Variants in DAO observed in about 807,000 individuals in gnomAD.
DAO encodes D-amino-acid oxidase.
A neutral mutation model predicts 50.1 loss-of-function variants in DAO; 51 were observed. That is an observed-to-expected ratio of 1.02 (90% CI 0.81 to 1.29). The LOEUF is 1.29. Ranked by LOEUF, DAO falls within the 50% of genes most tolerant of loss-of-function variation. The pLI is 0.00. For missense variants in DAO, 436 were observed against 439.4 expected, an observed-to-expected ratio of 0.99 and a Z score of 0.07; for synonymous variants, 160 against 166.2, an observed-to-expected ratio of 0.96 and a Z score of 0.29.
chr12:108,888,202 G>A (rs1334486444), intron 3 of DAO, among the ~76,000 whole-genome samples: 3 of 152,238 alleles, frequency 2.0e-5, no homozygotes, highest in Non-Finnish European at 4.4e-5. Flanking sequence ...CCCTGGGACG[G>A]TTTGCTCAGG....
chr12:108,887,746 T>C (rs1281118405), intron 3 of DAO, among the ~76,000 whole-genome samples, 182 bp downstream of exon 3: 1 of 152,154 alleles, frequency 6.6e-6, no homozygotes, highest in East Asian at 1.9e-4. Flanking sequence ...TATTTTTGTT[T>C]TACATTTTGC....
At chr12:108,888,554 G>A (rs1417075095) in intron 3 of DAO, among the ~76,000 whole-genome samples, 3 of 152,134 alleles carry the variant, frequency 2.0e-5, no homozygotes, top group Admixed American at 6.5e-5. Flanking sequence ...GGCTGGTCTC[G>A]AACTCCTGAC....
chr12:108,900,259 C>T, intron 10 of DAO, 145 bp from the exon 11 acceptor site: 1 of 1,012,010 alleles, frequency 9.9e-7, no homozygotes, highest in African/African-American at 1.6e-5. Context: ...ACCATTCCAC[C>T]CCGGTGCCAA....
intron 8 of DAO, 187 bp from the exon 9 acceptor site, chr12:108,898,492 G>A (rs1207264641): frequency 3.0e-6 from 2 of 658,960 alleles, no homozygotes; most frequent in Non-Finnish European, 5.6e-6. Context: ...TGTTGTTGAT[G>A]GAGATGACAA....
chr12:108,896,614 T>C (rs1179714189), intron 7 of DAO, among the ~76,000 whole-genome samples: 1 of 151,980 alleles, frequency 6.6e-6, no homozygotes, highest in African/African-American at 2.4e-5. Flanking sequence ...ATGAGACGTG[T>C]CGGACCTCCC....
intron 7 of DAO, 113 bp downstream of exon 7, chr12:108,894,480 C>G: frequency 1.1e-6 from 1 of 890,942 alleles, no homozygotes; most frequent in Non-Finnish European, 1.8e-6. Flanking sequence ...AGGAACCCCC[C>G]GGACTGCAGG....
At chr12:108,889,016 G>C (rs2039461819) in intron 3 of DAO, among the ~76,000 whole-genome samples, 1 of 152,122 alleles carries the variant, frequency 6.6e-6, no homozygotes, top group South Asian at 2.1e-4. Context: ...CCACCCCAAT[G>C]GCTTCTTGTG....
rs1261171280 is a variant in DAO, at chr12:108,880,162, G to A, written c.-72G>A. On this transcript the variant is annotated 5_prime_UTR_variant, in exon 1 of 11. Coordinates refer to ENST00000228476, the MANE Select transcript of DAO (RefSeq NM_001917.5). ...TCCAGAATCAGGAGCTTCCCCTCAG[G>A]AAATAGCATCCTGTGTCCCCGCACT... 1.5e-5 allele frequency: 7 copies of A among 456,506 alleles called. No homozygotes were observed. Among genetic ancestry groups the A allele is most frequent in the Non-Finnish European group, 3.1e-5 (7 of 226,940 alleles). The allele number at this position is 456,506 out of a possible 1,614,324, so 28.3% of individuals were successfully genotyped here.
At position 108,894,299 on chromosome 12, in the gene DAO, A is replaced by G. The variant is rs1196057771; in HGVS notation, c.544A>G (p.Thr182Ala). The stretch of plus-strand genomic sequence containing the variant: ...AGGCGCAGACGTGATTGTCAACTGC[A>G]CTGGGGTATGGGCTGGGGCGCTACA... Reference protein sequence around the residue: ...REGADVIVNCTGVWAGALQRD... With the variant: ...REGADVIVNCAGVWAGALQRD... Residue 182 changes from threonine (T) to alanine (A), a missense_variant, in exon 7 of 11, where the codon ACT (threonine) becomes GCT (alanine). By Grantham distance (58) the Thr-to-Ala change is moderately conservative (BLOSUM62 0). Coordinates refer to ENST00000228476, the MANE Select transcript of DAO (RefSeq NM_001917.5). The G allele has an allele frequency of 1.9e-6, 3 of 1,613,888 alleles. No homozygotes were observed. The African/African-American group carries it at 4.0e-5, about 22-fold the overall frequency.
chr12:108,899,719 A>T lies in DAO; in HGVS notation c.912+244A>T, dbSNP rs543830436. 4 of 544,638 alleles carry T rather than the reference A, an allele frequency of 7.3e-6. No homozygotes were observed. The South Asian group carries it at 7.9e-5, about 11-fold the overall frequency. The allele number at this position is 544,638 out of a possible 1,614,324, so 33.7% of individuals were successfully genotyped here. A position where few individuals can be genotyped will look rare whatever the true frequency, so the allele number is the denominator to read the frequency against. ...AATGGAGGTGGTGCTGATGAGATCA[A>T]TGTTGATAATGGTGTGACTGGGAGT... On this transcript the variant is annotated intron_variant, in intron 10 of 10. Coordinates refer to ENST00000228476, the MANE Select transcript of DAO (RefSeq NM_001917.5).
chr12:108,889,421 T>C, intron 3 of DAO, 48 bp from the exon 4 acceptor site: 1 of 1,343,714 alleles, frequency 7.4e-7, no homozygotes, highest in Non-Finnish European at 1.1e-6. Flanking sequence ...ATTATCATTA[T>C]TATTGACTTC....
chr12:108,900,280 G>T (rs71454755), intron 10 of DAO, 124 bp from the exon 11 acceptor site: 2 of 1,244,974 alleles, frequency 1.6e-6, no homozygotes, highest in East Asian at 2.3e-5. Flanking sequence ...GAGAAGCTCA[G>T]GTGGCATCTG....
chr12:108,894,916 A>G (rs1476161575), intron 7 of DAO, among the ~76,000 whole-genome samples: 2 of 152,196 alleles, frequency 1.3e-5, no homozygotes, highest in South Asian at 2.1e-4. Flanking sequence ...GGATTTCACC[A>G]TATTGCTCAG....
intron 3 of DAO, 123 bp downstream of exon 3, chr12:108,887,687 C>T (rs2039450040): frequency 9.2e-6 from 7 of 763,828 alleles, no homozygotes; most frequent in South Asian, 8.4e-5. Flanking sequence ...GCAACAGACT[C>T]CTGGGTTCAA....
At chr12:108,881,001 T>C (rs560341139) in intron 1 of DAO, among the ~76,000 whole-genome samples, 1 of 152,216 alleles carries the variant, frequency 6.6e-6, no homozygotes, top group African/African-American at 2.4e-5. Context: ...TAAACCTCAG[T>C]CCCAGCCTCC....
intron 1 of DAO, chr12:108,883,921 A>C (rs2039407091): frequency 4.1e-6 from 1 of 245,770 alleles, no homozygotes; most frequent in Non-Finnish European, 8.4e-6. Flanking sequence ...CACAGGCCCG[A>C]GTTGCCAGGA....
chr12:108,898,912 A>C (rs1480264926), intron 9 of DAO, 116 bp downstream of exon 9: 1 of 739,692 alleles, frequency 1.4e-6, no homozygotes, highest in East Asian at 2.7e-5. Flanking sequence ...TAATTCCAGC[A>C]AGGGATGTGG....
Position 108,880,156 on chromosome 12 carries a change from C to A in DAO, c.-78C>A, listed in dbSNP as rs770642071. Reference sequence around the variant, plus strand: ...AGACGCTCCAGAATCAGGAGCTTCCCCTCAGGAAATAGCATCCTGTGTCCC... The same window carrying A: ...AGACGCTCCAGAATCAGGAGCTTCCACTCAGGAAATAGCATCCTGTGTCCC... On this transcript the variant is annotated 5_prime_UTR_variant, in exon 1 of 11. Coordinates refer to ENST00000228476, the MANE Select transcript of DAO (RefSeq NM_001917.5). 2 of 456,662 alleles carry A rather than the reference C, an allele frequency of 4.4e-6. No homozygotes were observed. Among genetic ancestry groups the A allele is most frequent in the Non-Finnish European group, 8.8e-6 (2 of 226,956 alleles). 28.3% of individuals were successfully genotyped at this position (456,662 alleles called of 1,614,324 possible).
chr12:108,890,351 C>T (rs2039478690), intron 5 of DAO, 78 bp downstream of exon 5: 3 of 1,127,622 alleles, frequency 2.7e-6, no homozygotes, highest in African/African-American at 3.1e-5. Flanking sequence ...GTGGGCTTCC[C>T]TCAGCATGGA....
Sources: allele counts gnomAD v4.1 joint callset (sites outside exome capture counted in the v4.1 genomes callset), GRCh38; gene constraint gnomAD v4.1.1; transcripts MANE v1.5; gene names NCBI Gene and HGNC (gene_info 2026-07-23, HGNC 2026-07-21).